Variants in PTPRN2 observed in about 807,000 individuals in gnomAD.
PTPRN2 encodes protein tyrosine phosphatase receptor type N2, also known as receptor-type tyrosine-protein phosphatase N2.
A neutral mutation model predicts 118.8 loss-of-function variants in PTPRN2; 74 were observed. The ratio of observed to expected loss-of-function variants is 0.62; its 90% CI spans 0.52 to 0.76. The LOEUF is 0.76. PTPRN2 is among the 30% of genes least tolerant of loss of function. The pLI, the probability that PTPRN2 is intolerant of heterozygous loss-of-function variation, is 0.00. For synonymous variants in PTPRN2, 641 were observed against 608.0 expected (o/e 1.05, Z -0.80); for missense variants, 1,481 against 1,394.4 (o/e 1.06, Z -0.99).
chr7:158,505,722 T>A (rs960277180), intron 1 of PTPRN2, among the ~76,000 whole-genome samples: 1 of 53,124 alleles, frequency 1.9e-5, no homozygotes. Context: ...GGAGCCGGGG[T>A]GGGAGGGGGG....
intron 17 of PTPRN2, among the ~76,000 whole-genome samples, chr7:157,594,296 G>A (rs1168216711): frequency 6.6e-6 from 1 of 152,254 alleles, no homozygotes; most frequent in Non-Finnish European, 1.5e-5. Context: ...GCCTGGGGCA[G>A]AAGTGAATTT....
intron 1 of PTPRN2, among the ~76,000 whole-genome samples, chr7:158,520,084 T>C (rs1823871538): frequency 1.3e-5 from 2 of 152,194 alleles, no homozygotes; most frequent in African/African-American, 4.8e-5. Context: ...CCACTCAAAC[T>C]TGTCATTTCT....
At chr7:158,456,816 C>T (rs1818544883) in intron 2 of PTPRN2, among the ~76,000 whole-genome samples, 2 of 152,108 alleles carry the variant, frequency 1.3e-5, no homozygotes, top group Non-Finnish European at 2.9e-5. Context: ...ACTCTGTTGC[C>T]CAGGCTGGAC....
intron 3 of PTPRN2, among the ~76,000 whole-genome samples, chr7:158,227,289 CAGGAGCCAGG>C (rs1259652038): frequency 6.6e-6 from 1 of 152,102 alleles, no homozygotes; most frequent in African/African-American, 2.4e-5. Flanking sequence ...GTCATGTGCT[CAGGAGCCAGG>C]AGAAGAGAGA....
Position 158,171,173 on chromosome 7 carries a change from T to TATAC in PTPRN2, c.550-3883_550-3882insGTAT, listed in dbSNP as rs1446544044. 9.6e-4 allele frequency among the ~76,000 whole-genome samples: 131 copies of TATAC among 136,076 alleles called. 2 individuals are homozygous for TATAC. The highest frequency in any genetic ancestry group is 3.3e-3 in the African/African-American group (117 of 35,048). The allele number at this position is 136,076 out of a possible 152,430, so 89.3% of individuals were successfully genotyped here. Reference sequence around the variant, plus strand: ...ATACACATATATATACACACATATATACACATATATACACACATACATATA... The same window carrying TATAC: ...ATACACATATATATACACACATATATATACACACATATATACACACATACATATA... On this transcript the variant is annotated intron_variant, in intron 5 of 22. Transcript: ENST00000389418.
At chr7:157,747,311 C>T (rs1403352800) in intron 12 of PTPRN2, among the ~76,000 whole-genome samples, 9 of 67,154 alleles carry the variant, frequency 1.3e-4, no homozygotes, top group Admixed American at 6.2e-4. Context: ...GTGGGGTGTC[C>T]GGGTGATTCT....
chr7:157,594,911 C>A (rs1200890912), intron 17 of PTPRN2, among the ~76,000 whole-genome samples: 1 of 152,202 alleles, frequency 6.6e-6, no homozygotes, highest in African/African-American at 2.4e-5. Context: ...ATCATAACAA[C>A]GCCATGGACA....
At chr7:157,937,418 G>C (rs533516975) in intron 11 of PTPRN2, among the ~76,000 whole-genome samples, 61 of 152,376 alleles carry the variant, frequency 4.0e-4, no homozygotes, top group Non-Finnish European at 7.3e-4. Flanking sequence ...AAAGGTGCGG[G>C]AATAGGCAAG....
chr7:158,274,735 G>T (rs540108309), intron 3 of PTPRN2, among the ~76,000 whole-genome samples: 44 of 152,288 alleles, frequency 2.9e-4, no homozygotes, highest in South Asian at 6.2e-4. Context: ...ACCCTACGGG[G>T]GGAGTCACCC....
intron 12 of PTPRN2, among the ~76,000 whole-genome samples, chr7:157,792,361 C>T (rs1029639007): frequency 3.3e-5 from 5 of 152,362 alleles, no homozygotes; most frequent in East Asian, 3.9e-4. Context: ...TTCAGCTCCC[C>T]GGGGCCACCT....
chr7:158,248,197 C>T (rs1796381210), intron 3 of PTPRN2, among the ~76,000 whole-genome samples: 1 of 152,276 alleles, frequency 6.6e-6, no homozygotes, highest in African/African-American at 2.4e-5. Flanking sequence ...AGCGGCCCCA[C>T]CCCTTCCGTC....
rs35608968 is a variant in PTPRN2 at position 158,275,731 on chromosome 7, C to T, written c.277+41088G>A. 2.2e-4 allele frequency among the ~76,000 whole-genome samples: 33 copies of T among 152,064 alleles called. No individual in the cohort carries two copies. In the East Asian group the frequency reaches 5.1e-3, roughly 23 times the overall value. Reference sequence around the variant, plus strand: ...TTTGCCAGGGCTGGCCCCCACCCTGCGCACCTCCACGTGTGGCAGGCAGAG... The same window carrying T: ...TTTGCCAGGGCTGGCCCCCACCCTGTGCACCTCCACGTGTGGCAGGCAGAG... On this transcript the variant is annotated intron_variant, in intron 3 of 22. Coordinates refer to ENST00000389418, the MANE Select transcript of PTPRN2 (RefSeq NM_002847.5).
intron 6 of PTPRN2, among the ~76,000 whole-genome samples, chr7:158,145,774 T>C (rs1379460978): frequency 6.6e-6 from 1 of 152,198 alleles, no homozygotes; most frequent in African/African-American, 2.4e-5. Flanking sequence ...CTTAGACACA[T>C]TTAAAGTTCC....
chr7:157,646,942 C>T (rs1320056775), intron 14 of PTPRN2, among the ~76,000 whole-genome samples: 229 of 140,158 alleles, frequency 1.6e-3, no homozygotes, highest in African/African-American at 6.0e-3. Context: ...TCAGACCCAT[C>T]CAGGGTGCAC....
chr7:158,369,816 A>T (rs1458601884), intron 2 of PTPRN2, among the ~76,000 whole-genome samples: 1 of 152,226 alleles, frequency 6.6e-6, no homozygotes, highest in Non-Finnish European at 1.5e-5. Flanking sequence ...TGTAAATTCT[A>T]AAAAGCATCT....
rs548848870 is a variant in PTPRN2, at chr7:158,522,673, G to A, written c.113-32888C>T. On this transcript the variant is annotated intron_variant, in intron 1 of 22. Transcript: ENST00000389418. The stretch of plus-strand genomic sequence containing the variant: ...CTGTGGACACAGATTAAGGTGAAGT[G>A]AGGGCATCAGCATGGTCTGGAGTCC... Among the ~76,000 whole-genome samples, 38 of 152,350 alleles carry A rather than the reference G, an allele frequency of 2.5e-4. No homozygotes were observed. In the South Asian group the frequency reaches 7.4e-3, roughly 30 times the overall value.
chr7:157,933,422 G>A (rs1799506673), intron 11 of PTPRN2, among the ~76,000 whole-genome samples: 1 of 149,788 alleles, frequency 6.7e-6, no homozygotes, highest in Non-Finnish European at 1.5e-5. Context: ...GGAAGGGTGA[G>A]TCACTCTGAT....
At chr7:158,196,922 C>G (rs561011982) in intron 4 of PTPRN2, among the ~76,000 whole-genome samples, 6 of 152,196 alleles carry the variant, frequency 3.9e-5, no homozygotes, top group Non-Finnish European at 8.8e-5. Flanking sequence ...TCATCCCCAG[C>G]AGAGCTCCAC....
At position 158,192,419 on chromosome 7, in the gene PTPRN2, G is replaced by T. The variant is rs558350837; in HGVS notation, c.457C>A (p.Arg153Ser). The change falls in exon 5 of 23, where the codon CGC (arginine) becomes AGC (serine). Residue 153 changes from arginine (R) to serine (S), a missense_variant. This residue lies in a region of PTPRN2 where 1,115 missense variants were observed against 994.2 expected (regional missense o/e 1.12). Transcript: ENST00000389418. ...AGGGCCTCCAGGAAGGGCAGGTGGC[G>T]TCGGAGGGCGTTGGCCAGGGCAGCA... ...GGAALANALR[R>S]HLPFLEALSQ... The T allele has an allele frequency of 1.2e-5, 18 of 1,545,002 alleles. No homozygotes were observed. The South Asian group carries it at 2.3e-4, about 19-fold the overall frequency.
Sources: gnomAD v4.1 joint callset for allele counts (sites outside exome capture counted in the v4.1 genomes callset) on GRCh38, gnomAD v4.1.1 for gene constraint, gnomAD v4.1.1 regional missense constraint, MANE v1.5 for transcripts, NCBI Gene and HGNC (gene_info 2026-07-23, HGNC 2026-07-21) for gene names.